The following CAST variants were observed in gnomAD, a reference collection of about 807,000 sequenced individuals.
CAST encodes the protein MIR583 host.
CAST carries 76 observed loss-of-function variants against 119.6 expected under a neutral mutation model. That is an observed-to-expected ratio of 0.64 (90% confidence interval 0.53 to 0.77). The LOEUF is 0.77. CAST is among the 30% of genes least tolerant of loss of function. CAST has a pLI of 0.00. For missense variants in CAST, 953 were observed against 946.5 expected, an observed-to-expected ratio of 1.01 and a Z score of -0.09; for synonymous variants, 319 against 331.6, an observed-to-expected ratio of 0.96 and a Z score of 0.41.
the CAST span, among the ~76,000 whole-genome samples, chr5:96,021,594 CG>C: frequency 6.6e-6 from 1 of 151,844 alleles, no homozygotes; most frequent in African/African-American, 2.4e-5. Context: ...TACAGGCGCC[CG>C]CCACCACGCC....
chr5:96,268,341 G>T, the CAST span, among the ~76,000 whole-genome samples: 1 of 152,178 alleles, frequency 6.6e-6, no homozygotes, highest in Non-Finnish European at 1.5e-5. Flanking sequence ...AGGAGGCTCA[G>T]ATGGGAGAAT....
chr5:96,484,071 A>G, the CAST span, among the ~76,000 whole-genome samples: 9 of 152,098 alleles, frequency 5.9e-5, no homozygotes, highest in Non-Finnish European at 1.0e-4. Flanking sequence ...CTAGGACAGC[A>G]CCTGCATAGC....
At chr5:96,743,632 C>T in intron 16 of CAST, 1 of 1,612,872 alleles carries the variant, frequency 6.2e-7, no homozygotes, top group African/African-American at 1.3e-5. Context: ...CTAAGATGGG[C>T]CAGTTTCTAT....
intron 1 of CAST, among the ~76,000 whole-genome samples, chr5:96,636,462 C>T (rs567628302): frequency 4.6e-5 from 7 of 152,096 alleles, no homozygotes; most frequent in African/African-American, 1.4e-4. Flanking sequence ...TCTCTGATTC[C>T]TTAAGATGTC....
At chr5:96,676,521 A>T (rs1024696699) in intron 2 of CAST, among the ~76,000 whole-genome samples, 4 of 152,142 alleles carry the variant, frequency 2.6e-5, no homozygotes, top group Non-Finnish European at 5.9e-5. Context: ...ACTAAAGTTT[A>T]TGCCTCCATT....
At chr5:96,747,264 G>T in intron 17 of CAST, 81 bp from the exon 18 acceptor site, 1 of 756,260 alleles carries the variant, frequency 1.3e-6, no homozygotes, top group Admixed American at 2.2e-5. Context: ...TCATATCCTG[G>T]AATTCCCAGA....
the CAST span, among the ~76,000 whole-genome samples, chr5:96,319,916 G>A: frequency 1.3e-5 from 2 of 151,392 alleles, no homozygotes; most frequent in Non-Finnish European, 1.5e-5. Flanking sequence ...TACCAGTGAG[G>A]AGCCTAGTTA....
At chr5:96,152,301 C>T in the CAST span, among the ~76,000 whole-genome samples, 1 of 152,162 alleles carries the variant, frequency 6.6e-6, no homozygotes, top group Non-Finnish European at 1.5e-5. Context: ...CTAGTGAAGG[C>T]CCAGGGAGAG....
At chr5:96,271,917 A>G in the CAST span, among the ~76,000 whole-genome samples, 1 of 152,232 alleles carries the variant, frequency 6.6e-6, no homozygotes, top group East Asian at 1.9e-4. Flanking sequence ...AATAGCAAAA[A>G]AACAAATATT....
chr5:96,067,473 A>C, the CAST span, among the ~76,000 whole-genome samples: 1 of 152,212 alleles, frequency 6.6e-6, no homozygotes, highest in Non-Finnish European at 1.5e-5. Flanking sequence ...AACCATTACT[A>C]ATCATAGAGA....
chr5:96,521,321 T>G (rs1288134843), upstream of CAST, among the ~76,000 whole-genome samples: 1 of 152,202 alleles, frequency 6.6e-6, no homozygotes, highest in African/African-American at 2.4e-5. Flanking sequence ...CACACAGTAC[T>G]CTGCAGGCTG....
intron 29 of CAST, 101 bp downstream of exon 29, chr5:96,768,100 TTGTAACAG>T: frequency 1.2e-6 from 1 of 813,410 alleles, no homozygotes; most frequent in Non-Finnish European, 2.1e-6. Context: ...TCGGTCTGTC[TTGTAACAG>T]GGTCTTACTC....
intron 3 of CAST, among the ~76,000 whole-genome samples, chr5:96,719,093 C>A (rs112230595): frequency 0.012 from 1,808 of 152,210 alleles, 33 homozygotes; most frequent in African/African-American, 0.041. Flanking sequence ...AATGATTGTT[C>A]CATCAGCTAC....
chr5:96,062,879 C>T, the CAST span, among the ~76,000 whole-genome samples: 1 of 152,042 alleles, frequency 6.6e-6, no homozygotes, highest in African/African-American at 2.4e-5. Flanking sequence ...GCTGCCTTGA[C>T]CAGCAGAGAC....
the CAST span, among the ~76,000 whole-genome samples, chr5:96,365,571 T>C: frequency 0.016 from 2,497 of 152,342 alleles, 86 homozygotes; most frequent in African/African-American, 0.058. Context: ...CCCTTTACCA[T>C]TATGTAATGG....
the CAST span, among the ~76,000 whole-genome samples, chr5:96,478,962 G>A: frequency 0.51 from 77,405 of 152,084 alleles, 20,158 homozygotes; most frequent in African/African-American, 0.62. Flanking sequence ...GGTGCATAGG[G>A]TAGGAGGTGA....
the CAST span, among the ~76,000 whole-genome samples, chr5:96,320,228 CTTTTTTTTTTTTTTT>C: frequency 2.1e-5 from 2 of 97,356 alleles, no homozygotes; most frequent in Non-Finnish European, 4.1e-5. Context: ...AAGGCTTTTG[CTTTTTTTTTTTTTTT>C]TTTTTTTTTT....
the CAST span, among the ~76,000 whole-genome samples, chr5:96,111,875 G>A: frequency 6.6e-6 from 1 of 152,016 alleles, no homozygotes. Context: ...TCAAACTCCT[G>A]ACCTCAAGCA....
chr5:96,423,611 G>A, the CAST span: 123 of 736,786 alleles, frequency 1.7e-4, no homozygotes, highest in African/African-American at 1.6e-3. Context: ...AGAAAACAAA[G>A]TTGAGAGTAA....
Sources: gnomAD v4.1 joint callset for allele counts (sites outside exome capture counted in the v4.1 genomes callset) on GRCh38, gnomAD v4.1.1 for gene constraint, MANE v1.5 for transcripts, NCBI Gene and HGNC (gene_info 2026-07-23, HGNC 2026-07-21) for gene names.